Variants in ARID1B observed in about 807,000 individuals in gnomAD.
ARID1B encodes the protein AT-rich interactive domain-containing protein 1B.
ARID1B carries 30 observed loss-of-function variants against 212.3 expected under a neutral mutation model. That is an observed-to-expected ratio of 0.14 (90% CI 0.11 to 0.19). The LOEUF (loss-of-function observed/expected upper bound fraction) is 0.19. Among genes scored for constraint, ARID1B ranks in the 10% least tolerant of loss-of-function variants. The pLI is 1.00. For missense variants in ARID1B, 2,891 were observed against 3,204.0 expected, an observed-to-expected ratio of 0.90 and a Z score of 2.36; for synonymous variants, 1,402 against 1,301.7, an observed-to-expected ratio of 1.08 and a Z score of -1.66.
intron 4 of ARID1B, among the ~76,000 whole-genome samples, chr6:157,068,513 G>A (rs552627526): frequency 3.1e-4 from 47 of 152,220 alleles, no homozygotes; most frequent in Non-Finnish European, 4.1e-4. Flanking sequence ...GAGACCCACC[G>A]AAGGGTAGAA....
chr6:156,800,811 G>A (rs1260776825), intron 1 of ARID1B, among the ~76,000 whole-genome samples: 1 of 152,140 alleles, frequency 6.6e-6, no homozygotes, highest in Admixed American at 6.5e-5. Context: ...GGAGGCTGAG[G>A]TGGAGGATCA....
At chr6:156,813,587 T>C (rs1781763484) in intron 1 of ARID1B, among the ~76,000 whole-genome samples, 1 of 152,220 alleles carries the variant, frequency 6.6e-6, no homozygotes, top group Non-Finnish European at 1.5e-5. Flanking sequence ...CGGTGTTGTG[T>C]CTCCACTACC....
intron 13 of ARID1B, 141 bp from the exon 14 acceptor site, chr6:157,189,501 G>A: frequency 2.0e-6 from 2 of 1,022,080 alleles, no homozygotes; most frequent in Admixed American, 6.2e-5. Flanking sequence ...ATCATTATCA[G>A]CAATGGCTAT....
chr6:156,978,016 C>T (rs1223896652), intron 4 of ARID1B, among the ~76,000 whole-genome samples: 2 of 152,164 alleles, frequency 1.3e-5, no homozygotes, highest in Non-Finnish European at 2.9e-5. Flanking sequence ...GAGGATTCTT[C>T]TTCTAATCCT....
chr6:156,942,039 CTTTTTCA>C (rs1427076829), intron 4 of ARID1B: 1 of 152,086 alleles, frequency 6.6e-6, no homozygotes, highest in African/African-American at 2.4e-5. Context: ...CCCCTGAAAA[CTTTTTCA>C]TATAGTATTC....
chr6:157,057,209 G>A (rs1284853846), intron 4 of ARID1B, among the ~76,000 whole-genome samples: 1 of 151,910 alleles, frequency 6.6e-6, no homozygotes, highest in African/African-American at 2.4e-5. Flanking sequence ...TGTTAGCCAG[G>A]ATGGTCTCAA....
At chr6:157,102,908 T>C (rs1235997501) in intron 5 of ARID1B, among the ~76,000 whole-genome samples, 1 of 152,140 alleles carries the variant, frequency 6.6e-6, no homozygotes, top group Non-Finnish European at 1.5e-5. Context: ...TCCTGAATGT[T>C]TCTTTACTCA....
intron 1 of ARID1B, among the ~76,000 whole-genome samples, chr6:156,813,063 T>TAC (rs776132729): frequency 1.4e-5 from 2 of 145,456 alleles, no homozygotes; most frequent in African/African-American, 2.6e-5. Context: ...TGTATATACA[T>TAC]ATATATATAC....
At chr6:157,086,141 C>T (rs1478946957) in intron 5 of ARID1B, among the ~76,000 whole-genome samples, 1 of 152,158 alleles carries the variant, frequency 6.6e-6, no homozygotes, top group Non-Finnish European at 1.5e-5. Flanking sequence ...GCGGCATAAG[C>T]CAGAAGGTCT....
chr6:156,961,322 T>A (rs577702657), intron 4 of ARID1B, among the ~76,000 whole-genome samples: 1 of 152,256 alleles, frequency 6.6e-6, no homozygotes, highest in African/African-American at 2.4e-5. Flanking sequence ...TTTGAAAATA[T>A]GGTGTTATTC....
rs1300110797 is a variant in ARID1B at position 157,148,312 on chromosome 6, G to A, written c.2762-312G>A. ...GTTGAATGGATTGAGGCAGCACTCG[G>A]TGTCCCTTGCCTATTCATAGGGTTT... On this transcript the variant is annotated intron_variant, in intron 7 of 19. Transcript: ENST00000636930. The surrounding 1 kb of genome is among the most constrained non-coding windows in gnomAD (Gnocchi z 5.6). Among the ~76,000 whole-genome samples, 1 of 152,110 alleles carries A rather than the reference G, an allele frequency of 6.6e-6. No homozygotes were observed. Among genetic ancestry groups the A allele is most frequent in the African/African-American group, 2.4e-5 (1 of 41,424 alleles).
chr6:157,126,763 A>G (rs750875469), intron 6 of ARID1B, among the ~76,000 whole-genome samples: 37 of 152,188 alleles, frequency 2.4e-4, no homozygotes, highest in East Asian at 1.5e-3. Flanking sequence ...TAGTAATTCA[A>G]TATACTTTCA....
intron 1 of ARID1B, among the ~76,000 whole-genome samples, chr6:156,788,587 CTT>C (rs1481057204): frequency 5.3e-5 from 8 of 152,176 alleles, no homozygotes; most frequent in Non-Finnish European, 1.0e-4. Context: ...AAGTAGGCTT[CTT>C]GGAGATTTTG....
chr6:156,909,792 C>T (rs560888109), intron 3 of ARID1B, among the ~76,000 whole-genome samples: 2 of 152,268 alleles, frequency 1.3e-5, no homozygotes, highest in East Asian at 1.9e-4. Flanking sequence ...TATTTGCAGT[C>T]GTTGAAAATC....
chr6:157,125,833 G>A (rs1399441052), intron 6 of ARID1B, among the ~76,000 whole-genome samples: 1 of 152,228 alleles, frequency 6.6e-6, no homozygotes, highest in Non-Finnish European at 1.5e-5. Context: ...GAAGAGAAAG[G>A]AGGTGATATT....
At chr6:157,101,013 C>G (rs1786015408) in intron 5 of ARID1B, among the ~76,000 whole-genome samples, 1 of 152,176 alleles carries the variant, frequency 6.6e-6, no homozygotes, top group Non-Finnish European at 1.5e-5. Context: ...GACCCGTATT[C>G]TACTTTAAAG....
intron 4 of ARID1B, among the ~76,000 whole-genome samples, chr6:157,062,870 A>C (rs1783439573): frequency 6.6e-6 from 1 of 151,246 alleles, no homozygotes; most frequent in Non-Finnish European, 1.5e-5. Context: ...CACCTGCCTA[A>C]TTTTTTGTAT....
chr6:157,167,380 T>C, intron 9 of ARID1B, 195 bp downstream of exon 9: 1 of 536,452 alleles, frequency 1.9e-6, no homozygotes, highest in Non-Finnish European at 3.0e-6. Context: ...TTTATGTAAA[T>C]TATTTTTATT....
intron 2 of ARID1B, chr6:156,871,675 T>A (rs763241802): frequency 2.7e-5 from 43 of 1,609,482 alleles, no homozygotes; most frequent in Non-Finnish European, 3.5e-5. Context: ...TTACATGCTC[T>A]TACTTGCTCC....
Sources: allele counts gnomAD v4.1 joint callset (sites outside exome capture counted in the v4.1 genomes callset), GRCh38; gene constraint gnomAD v4.1.1; non-coding constraint Gnocchi (gnomAD v3.1); transcripts MANE v1.5; gene names NCBI Gene and HGNC (gene_info 2026-07-23, HGNC 2026-07-21).